The following NAALADL2 variants were observed in gnomAD, a reference collection of about 807,000 sequenced individuals.
The protein encoded by NAALADL2 is N-acetylated alpha-linked acidic dipeptidase like 2.
NAALADL2 carries 76 observed loss-of-function variants against 87.2 expected under a neutral mutation model. That is an observed-to-expected ratio of 0.87 (90% CI 0.72 to 1.05). The LOEUF is 1.05. Among genes scored for constraint, NAALADL2 ranks in the 50% least tolerant of loss-of-function variants. NAALADL2 has a pLI of 0.00. For synonymous variants in NAALADL2, 354 were observed against 331.0 expected (o/e 1.07, Z -0.75); for missense variants, 1,089 against 945.8 (o/e 1.15, Z -1.99).
At chr3:175,252,797 GGA>G (rs1749284275) in intron 3 of NAALADL2, among the ~76,000 whole-genome samples, 1 of 152,164 alleles carries the variant, frequency 6.6e-6, no homozygotes, top group Admixed American at 6.5e-5. Context: ...TTGCTGATAT[GGA>G]GAAAGTTTGA....
intron 5 of NAALADL2, among the ~76,000 whole-genome samples, chr3:175,377,916 G>T (rs1382736602): frequency 6.6e-6 from 1 of 151,738 alleles, no homozygotes; most frequent in Non-Finnish European, 1.5e-5. Context: ...TTCCTACTGA[G>T]AGCCACTTTC....
intron 2 of NAALADL2, among the ~76,000 whole-genome samples, chr3:174,650,476 C>T (rs62284711): frequency 0.079 from 11,943 of 152,124 alleles, 676 homozygotes; most frequent in South Asian, 0.27. Context: ...ACCATTGGCC[C>T]CTTTTCCTCT....
At chr3:175,677,946 A>G (rs900826398) in intron 11 of NAALADL2, among the ~76,000 whole-genome samples, 2 of 152,098 alleles carry the variant, frequency 1.3e-5, no homozygotes, top group Admixed American at 6.5e-5. Context: ...AGCTGTCTCT[A>G]TATAATCATA....
At chr3:175,184,893 A>G (rs1317999815) in intron 2 of NAALADL2, among the ~76,000 whole-genome samples, 1 of 152,118 alleles carries the variant, frequency 6.6e-6, no homozygotes, top group South Asian at 2.1e-4. Context: ...GTTAAGCACC[A>G]TGTTTATCAA....
At chr3:175,300,730 C>T (rs1310086887) in intron 4 of NAALADL2, among the ~76,000 whole-genome samples, 3 of 149,396 alleles carry the variant, frequency 2.0e-5, no homozygotes, top group Non-Finnish European at 4.5e-5. Context: ...TTTCAAAAAA[C>T]CATCTCCTGG....
chr3:175,075,914 C>T (rs1716503209), intron 1 of NAALADL2, among the ~76,000 whole-genome samples: 1 of 152,038 alleles, frequency 6.6e-6, no homozygotes, highest in Non-Finnish European at 1.5e-5. Flanking sequence ...CACAGGTGCT[C>T]ACTACTGTGT....
At chr3:175,747,623 T>C (rs1301620369) in intron 12 of NAALADL2, among the ~76,000 whole-genome samples, 1 of 152,002 alleles carries the variant, frequency 6.6e-6, no homozygotes, top group Non-Finnish European at 1.5e-5. Flanking sequence ...TTCATATTAA[T>C]CAATTTCATT....
At chr3:175,797,763 A>C (rs1012144503) in intron 13 of NAALADL2, among the ~76,000 whole-genome samples, 3 of 152,062 alleles carry the variant, frequency 2.0e-5, no homozygotes, top group African/African-American at 4.8e-5. Flanking sequence ...ATTACATGGG[A>C]ATTCAAAGAG....
chr3:175,304,841 CCTTTATTTTCTA>C (rs1235863352), intron 4 of NAALADL2, among the ~76,000 whole-genome samples: 6 of 151,996 alleles, frequency 3.9e-5, no homozygotes, highest in African/African-American at 1.4e-4. Context: ...ATGCTTTTCT[CCTTTATTTTCTA>C]CTTTATTTTC....
At chr3:175,074,670 G>A (rs73883338) in intron 1 of NAALADL2, among the ~76,000 whole-genome samples, 20,298 of 151,816 alleles carry the variant, frequency 0.13, 1,641 homozygotes, top group East Asian at 0.21. Flanking sequence ...AATAGTCTTT[G>A]TCTTTTAAAA....
At chr3:175,474,608 G>GTA (rs1391630444) in intron 9 of NAALADL2, among the ~76,000 whole-genome samples, 1 of 152,220 alleles carries the variant, frequency 6.6e-6, no homozygotes, top group East Asian at 1.9e-4. Flanking sequence ...TTTGACAAAT[G>GTA]TATATAACCA....
At chr3:175,511,442 A>G (rs767902707) in intron 9 of NAALADL2, among the ~76,000 whole-genome samples, 77 of 152,324 alleles carry the variant, frequency 5.1e-4, no homozygotes, top group South Asian at 1.2e-3. Context: ...AGGGATGCAC[A>G]TGCACAAAGG....
At chr3:174,656,900 G>A (rs1035158462) in intron 2 of NAALADL2, among the ~76,000 whole-genome samples, 3 of 151,682 alleles carry the variant, frequency 2.0e-5, no homozygotes, top group African/African-American at 7.3e-5. Context: ...ACTTTCTTTC[G>A]GCACCTCGAA....
intron 1 of NAALADL2, among the ~76,000 whole-genome samples, chr3:174,882,498 T>C (rs569329924): frequency 1.4e-5 from 2 of 145,350 alleles, no homozygotes; most frequent in South Asian, 2.1e-4. Flanking sequence ...TGCATATACA[T>C]ATATGTGTAT....
chr3:175,128,468 CT>C (rs5854611), intron 2 of NAALADL2, among the ~76,000 whole-genome samples: 83,472 of 151,480 alleles, frequency 0.55, 23,539 homozygotes, highest in African/African-American at 0.67. Flanking sequence ...TTTTTTTTCT[CT>C]TTTGTGTTTT....
chr3:175,109,553 A>G (rs546336420), intron 2 of NAALADL2, among the ~76,000 whole-genome samples: 27 of 151,942 alleles, frequency 1.8e-4, no homozygotes, highest in African/African-American at 6.0e-4. Context: ...AAGGAAAGAA[A>G]GAAGAGAGGG....
chr3:175,742,370 A>C (rs1477686107), intron 12 of NAALADL2, among the ~76,000 whole-genome samples: 1 of 152,060 alleles, frequency 6.6e-6, no homozygotes, highest in African/African-American at 2.4e-5. Flanking sequence ...AATTTATATA[A>C]TGTAAGTTTT....
chr3:175,228,068 A>G (rs1744413209), intron 2 of NAALADL2, among the ~76,000 whole-genome samples: 2 of 151,936 alleles, frequency 1.3e-5, no homozygotes, highest in African/African-American at 4.8e-5. Flanking sequence ...AAACTTTGTT[A>G]TCATCTTTTA....
chr3:175,630,937 T>A (rs1178981937), intron 11 of NAALADL2, among the ~76,000 whole-genome samples: 1 of 151,660 alleles, frequency 6.6e-6, no homozygotes, highest in African/African-American at 2.4e-5. Context: ...TTCAAGAAAC[T>A]AGAAGTAATT....
Sources: gnomAD v4.1 joint callset for allele counts (sites outside exome capture counted in the v4.1 genomes callset) on GRCh38, gnomAD v4.1.1 for gene constraint, MANE v1.5 for transcripts, NCBI Gene and HGNC (gene_info 2026-07-23, HGNC 2026-07-21) for gene names.